The following HS3ST4 variants were observed in gnomAD, a reference collection of about 807,000 sequenced individuals.
HS3ST4 encodes heparan sulfate-glucosamine 3-sulfotransferase 4.
In HS3ST4, 17 loss-of-function variants were observed where a neutral mutation model predicts 29.2. The ratio of observed to expected loss-of-function variants is 0.58; its 90% confidence interval spans 0.40 to 0.87. HS3ST4 has a LOEUF of 0.87. Ranked by LOEUF, HS3ST4 falls within the 40% of genes least tolerant of loss-of-function variation. The pLI, the probability that HS3ST4 is intolerant of heterozygous loss-of-function variation, is 0.00. For missense variants in HS3ST4, 627 were observed against 634.5 expected, an observed-to-expected ratio of 0.99 and a Z score of 0.13; for synonymous variants, 314 against 285.7, an observed-to-expected ratio of 1.10 and a Z score of -1.00.
intron 1 of HS3ST4, among the ~76,000 whole-genome samples, chr16:26,042,734 G>A (rs1037299309): frequency 2.6e-5 from 4 of 152,142 alleles, no homozygotes. Flanking sequence ...ACTGTTCAGT[G>A]TAGATCTGCA....
intron 1 of HS3ST4, among the ~76,000 whole-genome samples, chr16:26,023,299 A>G (rs759844860): frequency 6.6e-6 from 1 of 150,904 alleles, no homozygotes; most frequent in Non-Finnish European, 1.5e-5. Flanking sequence ...TATGTTTTAT[A>G]TATATATATA....
chr16:25,811,422 C>CTTTT (rs5816324), intron 1 of HS3ST4, among the ~76,000 whole-genome samples: 1 of 129,060 alleles, frequency 7.7e-6, no homozygotes, highest in Non-Finnish European at 1.6e-5. Context: ...TTTTCTTCTT[C>CTTTT]TTTTTTTTTT....
chr16:25,702,505 C>T (rs1966340826), intron 1 of HS3ST4, among the ~76,000 whole-genome samples: 1 of 152,156 alleles, frequency 6.6e-6, no homozygotes, highest in African/African-American at 2.4e-5. Context: ...AGACATCCTT[C>T]TCTAGGGTGG....
intron 1 of HS3ST4, among the ~76,000 whole-genome samples, chr16:25,761,367 T>C (rs1304086585): frequency 2.0e-5 from 3 of 152,184 alleles, no homozygotes; most frequent in African/African-American, 7.2e-5. Context: ...GAAATGTGTT[T>C]AGTGTGACTG....
intron 1 of HS3ST4, among the ~76,000 whole-genome samples, chr16:25,714,199 G>GACA (rs1161432407): frequency 6.6e-6 from 1 of 152,076 alleles, no homozygotes; most frequent in East Asian, 1.9e-4. Context: ...AAAGAAAAAA[G>GACA]ACAACTAACA....
rs1480909606 is a variant in HS3ST4 at position 25,692,975 on chromosome 16, C to A, written c.558C>A (p.Ala186=). 5.0e-6 allele frequency: 8 copies of A among 1,610,834 alleles called. No individual in the cohort carries two copies. The highest frequency in any genetic ancestry group is 6.8e-6 in the Non-Finnish European group (8 of 1,179,222). Residue 186 remains alanine (A), a synonymous_variant, in exon 1 of 2, where the codon GCC becomes GCA. Coordinates refer to ENST00000331351, the MANE Select transcript of HS3ST4 (RefSeq NM_006040.3). ...ACGGGAGCAGCGAGAGGGGCGGCGC[C>A]GTCAGCACCCCCGACTATGGGGAGA... The part of the protein sequence containing the change: ...AANGSSERGG[A]VSTPDYGEKK...
At chr16:26,128,360 A>G (rs1323320184) in intron 1 of HS3ST4, among the ~76,000 whole-genome samples, 1 of 152,170 alleles carries the variant, frequency 6.6e-6, no homozygotes, top group Non-Finnish European at 1.5e-5. Flanking sequence ...TTAATGAGGG[A>G]ATATCTTTTA....
At chr16:26,035,474 GT>G (rs1969574038) in intron 1 of HS3ST4, among the ~76,000 whole-genome samples, 1 of 152,164 alleles carries the variant, frequency 6.6e-6, no homozygotes, top group Non-Finnish European at 1.5e-5. Flanking sequence ...GCTAAAGCTG[GT>G]TCTCTTTCAG....
intron 1 of HS3ST4, among the ~76,000 whole-genome samples, chr16:25,968,399 C>T (rs1968864537): frequency 6.6e-6 from 1 of 152,124 alleles, no homozygotes; most frequent in Non-Finnish European, 1.5e-5. Context: ...GGCAATGCAC[C>T]ATGAGGGTTG....
intron 1 of HS3ST4, among the ~76,000 whole-genome samples, chr16:25,897,040 C>T (rs960575438): frequency 8.5e-5 from 13 of 152,172 alleles, no homozygotes; most frequent in African/African-American, 3.1e-4. Flanking sequence ...AAACTGCCTA[C>T]TGGGTACTGT....
At chr16:25,774,705 A>G (rs1343899242) in intron 1 of HS3ST4, among the ~76,000 whole-genome samples, 1 of 152,074 alleles carries the variant, frequency 6.6e-6, no homozygotes, top group Admixed American at 6.5e-5. Context: ...GTGGCATACT[A>G]TAGGCACTGT....
chr16:25,999,155 A>C (rs1969182613), intron 1 of HS3ST4, among the ~76,000 whole-genome samples: 1 of 152,148 alleles, frequency 6.6e-6, no homozygotes, highest in African/African-American at 2.4e-5. Context: ...CAGTATTCTT[A>C]GAACCTATGC....
chr16:25,779,505 G>A (rs1368415297), intron 1 of HS3ST4, among the ~76,000 whole-genome samples: 2 of 152,134 alleles, frequency 1.3e-5, no homozygotes, highest in Non-Finnish European at 2.9e-5. Context: ...CAACCAATTA[G>A]CATTAAACTA....
chr16:25,976,624 G>A (rs372511081), intron 1 of HS3ST4, among the ~76,000 whole-genome samples: 11 of 152,348 alleles, frequency 7.2e-5, no homozygotes, highest in African/African-American at 1.4e-4. Flanking sequence ...TCTATCCACA[G>A]CTCTGCTGCA....
At chr16:25,861,636 T>G (rs555591660) in intron 1 of HS3ST4, among the ~76,000 whole-genome samples, 7 of 152,248 alleles carry the variant, frequency 4.6e-5, no homozygotes, top group Admixed American at 3.3e-4. Context: ...AGATGATATA[T>G]GAGCATCCCC....
intron 1 of HS3ST4, among the ~76,000 whole-genome samples, chr16:25,693,532 C>T (rs1009089841): frequency 3.3e-5 from 5 of 152,148 alleles, no homozygotes; most frequent in Non-Finnish European, 7.3e-5. Flanking sequence ...AGGAGTGAGA[C>T]AGGATGGCTA....
chr16:25,808,537 A>T (rs892655966), intron 1 of HS3ST4, among the ~76,000 whole-genome samples: 2 of 152,124 alleles, frequency 1.3e-5, no homozygotes, highest in African/African-American at 4.8e-5. Context: ...GTAGGCCTTA[A>T]AGTGAATGGA....
intron 1 of HS3ST4, among the ~76,000 whole-genome samples, chr16:25,977,759 G>A (rs1163151242): frequency 6.6e-6 from 1 of 152,174 alleles, no homozygotes; most frequent in Non-Finnish European, 1.5e-5. Flanking sequence ...TTTAATTAAA[G>A]CCGTAGCAAC....
At chr16:25,977,325 C>T (rs969586410) in intron 1 of HS3ST4, among the ~76,000 whole-genome samples, 1 of 152,126 alleles carries the variant, frequency 6.6e-6, no homozygotes, top group Non-Finnish European at 1.5e-5. Flanking sequence ...GATAATAGGC[C>T]TCATATCTCA....
Sources: allele counts gnomAD v4.1 joint callset (sites outside exome capture counted in the v4.1 genomes callset), GRCh38; gene constraint gnomAD v4.1.1; transcripts MANE v1.5; gene names NCBI Gene and HGNC (gene_info 2026-07-23, HGNC 2026-07-21).